Variants in MYRIP observed in about 807,000 individuals in gnomAD.
MYRIP encodes rab effector MyRIP.
A neutral mutation model predicts 98.0 loss-of-function variants in MYRIP; 49 were observed. The observed-to-expected ratio is 0.50, with a 90% CI of 0.40 to 0.63. MYRIP has a LOEUF of 0.63. Among genes scored for constraint, MYRIP ranks in the 30% least tolerant of loss-of-function variants. The pLI is 0.00. For missense variants in MYRIP, 1,004 were observed against 1,058.2 expected, an observed-to-expected ratio of 0.95 and a Z score of 0.71; for synonymous variants, 404 against 409.5, an observed-to-expected ratio of 0.99 and a Z score of 0.16.
At chr3:39,824,896 T>C (rs1233545097) in intron 1 of MYRIP, among the ~76,000 whole-genome samples, 4 of 152,106 alleles carry the variant, frequency 2.6e-5, no homozygotes. Flanking sequence ...TTTAAAATTT[T>C]ATATAGAGAC....
intron 3 of MYRIP, among the ~76,000 whole-genome samples, chr3:40,065,846 C>T (rs938781487): frequency 1.1e-4 from 16 of 152,200 alleles, no homozygotes; most frequent in African/African-American, 3.6e-4. Context: ...CAACACAGCT[C>T]GAGCACAATG....
chr3:39,812,061 G>A (rs1392204030), intron 1 of MYRIP, among the ~76,000 whole-genome samples: 2 of 152,128 alleles, frequency 1.3e-5, no homozygotes, highest in Non-Finnish European at 2.9e-5. Flanking sequence ...GAATTTAACA[G>A]TCTGTTGAAG....
intron 1 of MYRIP, among the ~76,000 whole-genome samples, chr3:39,862,298 A>G (rs1258490490): frequency 6.6e-6 from 1 of 152,202 alleles, no homozygotes; most frequent in Non-Finnish European, 1.5e-5. Flanking sequence ...AAGAGAATTT[A>G]TTACCATCAG....
intron 1 of MYRIP, among the ~76,000 whole-genome samples, chr3:39,861,863 A>G (rs550772912): frequency 3.3e-4 from 50 of 152,320 alleles, no homozygotes; most frequent in African/African-American, 1.2e-3. Flanking sequence ...CAAATCTACA[A>G]CTCATTGATG....
chr3:40,218,626 A>ATATATTT (rs1553629259), intron 11 of MYRIP, among the ~76,000 whole-genome samples: 1 of 14,808 alleles, frequency 6.8e-5, no homozygotes, highest in African/African-American at 1.1e-4. Flanking sequence ...ATATATATAT[A>ATATATTT]TATATATATA....
intron 3 of MYRIP, among the ~76,000 whole-genome samples, chr3:40,143,032 C>T (rs1949939386): frequency 6.6e-6 from 1 of 152,206 alleles, no homozygotes; most frequent in Non-Finnish European, 1.5e-5. Context: ...GGCAGTCCAG[C>T]CATGCCCAAG....
chr3:40,190,978 G>C (rs1574138), intron 10 of MYRIP, among the ~76,000 whole-genome samples: 1 of 152,078 alleles, frequency 6.6e-6, no homozygotes. Context: ...ACCTCAAAAG[G>C]TGTTCATGAC....
At chr3:39,930,420 A>G (rs894918045) in intron 2 of MYRIP, among the ~76,000 whole-genome samples, 6 of 152,050 alleles carry the variant, frequency 3.9e-5, no homozygotes, top group Admixed American at 6.6e-5. Context: ...AGTTGTAAGC[A>G]TTCTTTATGT....
At chr3:39,884,469 G>T (rs1943237289) in intron 1 of MYRIP, among the ~76,000 whole-genome samples, 1 of 152,066 alleles carries the variant, frequency 6.6e-6, no homozygotes, top group Non-Finnish European at 1.5e-5. Flanking sequence ...TTTGAGTAAA[G>T]CAGATTACCC....
intron 1 of MYRIP, among the ~76,000 whole-genome samples, chr3:39,810,976 T>G (rs1457192015): frequency 6.6e-6 from 1 of 152,176 alleles, no homozygotes; most frequent in African/African-American, 2.4e-5. Context: ...TTGATTTTCT[T>G]GACACTTACT....
intron 3 of MYRIP, among the ~76,000 whole-genome samples, chr3:40,120,831 C>T (rs1485654580): frequency 2.6e-5 from 4 of 152,206 alleles, no homozygotes; most frequent in Non-Finnish European, 5.9e-5. Context: ...AAGAAGCAAG[C>T]TCAATCAGCT....
chr3:39,901,114 G>T (rs1254135340), intron 2 of MYRIP, among the ~76,000 whole-genome samples, 188 bp downstream of exon 2: 1 of 152,146 alleles, frequency 6.6e-6, no homozygotes, highest in Non-Finnish European at 1.5e-5. Context: ...TGTTGCTCAC[G>T]GTCCCAATCA....
intron 3 of MYRIP, among the ~76,000 whole-genome samples, chr3:40,111,074 AAGTT>A: frequency 6.6e-6 from 1 of 152,222 alleles, no homozygotes; most frequent in African/African-American, 2.4e-5. Context: ...GAAAATGGCA[AAGTT>A]AGACCCCAGG....
intron 3 of MYRIP, among the ~76,000 whole-genome samples, chr3:40,072,334 G>C (rs931441174): frequency 1.3e-5 from 2 of 151,972 alleles, no homozygotes; most frequent in African/African-American, 4.8e-5. Flanking sequence ...TCAGCCTCCT[G>C]AGTAGCTGGG....
chr3:39,942,433 A>C (rs1157578553), intron 2 of MYRIP, among the ~76,000 whole-genome samples: 2 of 152,150 alleles, frequency 1.3e-5, no homozygotes, highest in Admixed American at 1.3e-4. Context: ...TGGATTTTAT[A>C]GAAATAGGAA....
chr3:40,119,807 C>A (rs1038029506), intron 3 of MYRIP, among the ~76,000 whole-genome samples: 1 of 152,060 alleles, frequency 6.6e-6, no homozygotes. Context: ...AGGAGATATA[C>A]CTAATGCTAA....
chr3:40,027,350 G>C (rs971256758), intron 2 of MYRIP, among the ~76,000 whole-genome samples: 1 of 152,112 alleles, frequency 6.6e-6, no homozygotes, highest in Non-Finnish European at 1.5e-5. Context: ...TCCTCTAAGA[G>C]TGGGCTTTAC....
At chr3:40,233,790 T>C (rs1046952621) in intron 11 of MYRIP, 69 bp from the exon 12 acceptor site, 12 of 1,407,642 alleles carry the variant, frequency 8.5e-6, no homozygotes, top group Middle Eastern at 3.6e-4. Context: ...CATGATAACA[T>C]AGAATTTCTG....
chr3:40,063,737 G>T (rs758680311), intron 3 of MYRIP, among the ~76,000 whole-genome samples: 1 of 152,118 alleles, frequency 6.6e-6, no homozygotes, highest in Admixed American at 6.5e-5. Context: ...AAAACAACTG[G>T]TTCACTCTTT....
Sources: allele counts gnomAD v4.1 joint callset (sites outside exome capture counted in the v4.1 genomes callset), GRCh38; gene constraint gnomAD v4.1.1; transcripts MANE v1.5; gene names NCBI Gene and HGNC (gene_info 2026-07-23, HGNC 2026-07-21).